Variants in HIPK3 observed in about 807,000 individuals in gnomAD.
HIPK3 encodes homeodomain interacting protein kinase 3.
In HIPK3, 47 loss-of-function variants were observed where a neutral mutation model predicts 124.2. The ratio of observed to expected loss-of-function variants is 0.38; its 90% CI spans 0.30 to 0.48. The LOEUF (loss-of-function observed/expected upper bound fraction) is 0.48. Ranked by LOEUF, HIPK3 falls within the 20% of genes least tolerant of loss-of-function variation. The probability of loss-of-function intolerance (pLI) is 0.98; values close to 1 mark genes in which losing one functional copy is unlikely to be tolerated. For missense variants in HIPK3, 1,286 were observed against 1,454.3 expected (o/e 0.88, Z 1.88); for synonymous variants, 482 against 515.2 (o/e 0.94, Z 0.87).
chr11:33,341,455 C>T, intron 7 of HIPK3, 108 bp from the exon 8 acceptor site: 1 of 1,140,168 alleles, frequency 8.8e-7, no homozygotes, highest in Non-Finnish European at 1.2e-6. Flanking sequence ...TTTCTGGACA[C>T]ATTTTAATAG....
At chr11:33,305,730 A>G (rs1347954167) in intron 2 of HIPK3, among the ~76,000 whole-genome samples, 4 of 152,042 alleles carry the variant, frequency 2.6e-5, no homozygotes, top group Non-Finnish European at 5.9e-5. Flanking sequence ...TTAATCACCA[A>G]ATCTGGTGGA....
chr11:33,295,021 A>G (rs978864144), intron 2 of HIPK3, among the ~76,000 whole-genome samples: 37 of 152,102 alleles, frequency 2.4e-4, no homozygotes, highest in African/African-American at 8.9e-4. Flanking sequence ...GCTCACAGCA[A>G]AGTCGCCCCT....
At chr11:33,287,619 G>A (rs1050926553) in intron 2 of HIPK3, 108 bp downstream of exon 2, 5 of 1,217,254 alleles carry the variant, frequency 4.1e-6, no homozygotes, top group South Asian at 3.2e-5. Context: ...AGTTAAATAA[G>A]GAAATCAAGA....
chr11:33,290,730 C>T (rs917662961), intron 2 of HIPK3, among the ~76,000 whole-genome samples: 12 of 151,232 alleles, frequency 7.9e-5, no homozygotes, highest in Admixed American at 7.9e-4. Flanking sequence ...ATCTAAAATG[C>T]TGAATATTTT....
rs150112676 is a variant in HIPK3 at position 33,331,292 on chromosome 11, C to T, written c.1221+2659C>T. Among the ~76,000 whole-genome samples the T allele has an allele frequency of 3.1e-3, 467 of 152,304 alleles. 2 individuals carry two copies. The highest frequency in any genetic ancestry group is 0.011 in the African/African-American group (450 of 41,558). ...ACCTAATGTTAGGATGTGAAAGGGC[C>T]ACCAGTAGGGTATGTCTCTCTCTAT... is the stretch of plus-strand genomic sequence containing the variant. On this transcript the variant is annotated intron_variant, in intron 3 of 16. Coordinates refer to ENST00000303296, the MANE Select transcript of HIPK3 (RefSeq NM_005734.5).
At chr11:33,269,752 C>A (rs978985404) in intron 1 of HIPK3, among the ~76,000 whole-genome samples, 1 of 83,960 alleles carries the variant, frequency 1.2e-5, no homozygotes, top group African/African-American at 3.7e-5. Context: ...ACTAAGCTCC[C>A]CTGTATTTTT....
intron 2 of HIPK3, among the ~76,000 whole-genome samples, chr11:33,327,616 C>A (rs954405109): frequency 1.3e-5 from 2 of 152,106 alleles, no homozygotes; most frequent in African/African-American, 4.8e-5. Context: ...GGAGAATATT[C>A]TTCTTTGTAG....
chr11:33,267,145 C>T (rs924460137), intron 1 of HIPK3, among the ~76,000 whole-genome samples: 13 of 150,180 alleles, frequency 8.7e-5, no homozygotes, highest in Non-Finnish European at 1.3e-4. Context: ...TTTTTTGAGA[C>T]GGGGTCTTGC....
At chr11:33,309,330 G>A (rs1030228664) in intron 2 of HIPK3, among the ~76,000 whole-genome samples, 2 of 152,080 alleles carry the variant, frequency 1.3e-5, no homozygotes, top group African/African-American at 4.8e-5. Context: ...GCCCAGCCTG[G>A]CCTCCAACTT....
intron 2 of HIPK3, among the ~76,000 whole-genome samples, chr11:33,297,865 T>C (rs529750290): frequency 2.2e-4 from 33 of 146,908 alleles, no homozygotes; most frequent in African/African-American, 8.0e-4. Flanking sequence ...TCCTGGCTCA[T>C]TGCAACCTCT....
At chr11:33,271,654 C>T (rs1380295055) in intron 1 of HIPK3, among the ~76,000 whole-genome samples, 1 of 152,166 alleles carries the variant, frequency 6.6e-6, no homozygotes, top group Non-Finnish European at 1.5e-5. Context: ...CAGCCATTTT[C>T]AGTCTAATGA....
intron 1 of HIPK3, among the ~76,000 whole-genome samples, chr11:33,266,599 G>A (rs1850971590): frequency 6.6e-6 from 1 of 152,030 alleles, no homozygotes; most frequent in Admixed American, 6.6e-5. Flanking sequence ...CCTAGCTATT[G>A]GAGAGGCTGA....
intron 2 of HIPK3, among the ~76,000 whole-genome samples, chr11:33,300,581 T>C (rs1408900147): frequency 6.6e-6 from 1 of 152,206 alleles, no homozygotes; most frequent in Non-Finnish European, 1.5e-5. Context: ...CAGTATAATG[T>C]AAACATAACT....
chr11:33,286,314 G>C, intron 1 of HIPK3, 99 bp from the exon 2 acceptor site: 2 of 1,079,614 alleles, frequency 1.9e-6, no homozygotes, highest in Non-Finnish European at 2.5e-6. Context: ...TGACCCTTAA[G>C]AGTTTTCTTC....
intron 2 of HIPK3, among the ~76,000 whole-genome samples, chr11:33,312,530 G>A (rs1358182860): frequency 1.3e-5 from 2 of 152,170 alleles, no homozygotes; most frequent in African/African-American, 4.8e-5. Context: ...ACATCTTTAA[G>A]GAGTGATTTA....
intron 2 of HIPK3, among the ~76,000 whole-genome samples, chr11:33,299,765 C>T (rs192563077): frequency 6.6e-6 from 1 of 152,264 alleles, no homozygotes; most frequent in Non-Finnish European, 1.5e-5. Flanking sequence ...GTGGCTCACG[C>T]CTGTTATCCT....
intron 2 of HIPK3, among the ~76,000 whole-genome samples, chr11:33,326,286 G>T (rs1002090335): frequency 2.0e-5 from 3 of 152,124 alleles, no homozygotes; most frequent in African/African-American, 4.8e-5. Context: ...TGATTTAATT[G>T]GTGTAGGGTG....
In HIPK3 at chr11:33,300,021, CAAA is replaced by C. The variant is rs58435948; in HGVS notation, c.1097+12531_1097+12533del. 9.7e-3 allele frequency among the ~76,000 whole-genome samples: 925 copies of C among 95,092 alleles called. 2 individuals carry two copies. Among genetic ancestry groups the C allele is most frequent in the Non-Finnish European group, 0.015 (737 of 49,074 alleles). 62.4% of individuals were successfully genotyped at this position (95,092 alleles called of 152,430 possible). On this transcript the variant is annotated intron_variant, in intron 2 of 16. Coordinates refer to ENST00000303296, the MANE Select transcript of HIPK3 (RefSeq NM_005734.5). ...TGGGTGACAGAGTGAGACCCTGTCT[CAAA>C]AAAAAAAAAAAAAAAAAAAAGAAAG...
rs538231586 is a variant in HIPK3, at chr11:33,320,905, A to G, written c.1098-7605A>G. Among the ~76,000 whole-genome samples the G allele has an allele frequency of 6.6e-5, 10 of 152,278 alleles. No homozygotes were observed. The South Asian group carries it at 2.1e-3, about 32-fold the overall frequency. On this transcript the variant is annotated intron_variant, in intron 2 of 16. Transcript: ENST00000303296. ...TCACAAGTCTGGAGTTAAAAGAGAG[A>G]GGTCTGAGTTGGAGATGTACGTTTG...
Sources: allele counts gnomAD v4.1 joint callset (sites outside exome capture counted in the v4.1 genomes callset), GRCh38; gene constraint gnomAD v4.1.1; transcripts MANE v1.5; gene names NCBI Gene and HGNC (gene_info 2026-07-23, HGNC 2026-07-21).